GDA: variants seen among roughly 807,000 people sequenced by gnomAD.
The protein encoded by GDA is guanine deaminase, also known as cytoplasmic PSD-95 interactor.
A neutral mutation model predicts 59.6 loss-of-function variants in GDA; 18 were observed. That is an observed-to-expected ratio of 0.30 (90% CI 0.21 to 0.45). The LOEUF (loss-of-function observed/expected upper bound fraction) is 0.45. Among genes scored for constraint, GDA ranks in the 20% least tolerant of loss-of-function variants. The pLI, the probability that GDA is intolerant of heterozygous loss-of-function variation, is 1.00. For synonymous variants in GDA, 201 were observed against 201.1 expected, an observed-to-expected ratio of 1.00 and a Z score of 0.00; for missense variants, 427 against 552.3, an observed-to-expected ratio of 0.77 and a Z score of 2.27.
chr9:72,221,092 A>G (rs1587702932), intron 6 of GDA, among the ~76,000 whole-genome samples: 1 of 151,568 alleles, frequency 6.6e-6, no homozygotes. Flanking sequence ...TATCCTCACT[A>G]CCCCTCTATG....
chr9:72,184,294 ATG>A (rs1472604615), intron 1 of GDA, among the ~76,000 whole-genome samples: 2 of 152,196 alleles, frequency 1.3e-5, no homozygotes, highest in Non-Finnish European at 2.9e-5. Context: ...TTGTATAATG[ATG>A]TATTGACCAT....
chr9:72,160,090 G>C (rs578186726), intron 1 of GDA, among the ~76,000 whole-genome samples: 1 of 152,134 alleles, frequency 6.6e-6, no homozygotes, highest in South Asian at 2.1e-4. Flanking sequence ...ATGAGGTCAG[G>C]AGATCGAGAC....
intron 10 of GDA, among the ~76,000 whole-genome samples, chr9:72,240,360 G>A (rs1484972351): frequency 6.6e-6 from 1 of 152,138 alleles, no homozygotes; most frequent in Non-Finnish European, 1.5e-5. Context: ...AGAACCATGA[G>A]CTTATTTTAA....
chr9:72,148,309 ATGTGTGTGTGTGTGTGTGTG>A (rs58161772), upstream of GDA, among the ~76,000 whole-genome samples: 315 of 145,952 alleles, frequency 2.2e-3, 1 homozygote, highest in Admixed American at 8.2e-3. Flanking sequence ...TGGTGTGTGT[ATGTGTGTGTGTGTGTGTGTG>A]TGTGTGTGTG....
chr9:72,247,571 AAC>A, intron 13 of GDA, 138 bp downstream of exon 13: 1 of 626,426 alleles, frequency 1.6e-6, no homozygotes, highest in Non-Finnish European at 2.8e-6. Context: ...TTATTTTTTT[AAC>A]AGTCTGAAGC....
chr9:72,190,479 A>C (rs910044332), intron 1 of GDA, among the ~76,000 whole-genome samples: 2 of 152,232 alleles, frequency 1.3e-5, no homozygotes, highest in African/African-American at 4.8e-5. Flanking sequence ...TATAATACAT[A>C]TAATATAGAA....
At chr9:72,142,074 G>A (rs1437783907) in intron 1 of GDA, among the ~76,000 whole-genome samples, 1 of 152,144 alleles carries the variant, frequency 6.6e-6, no homozygotes, top group African/African-American at 2.4e-5. Context: ...GAGATAGGTT[G>A]CATGGGCTAA....
chr9:72,240,310 A>T (rs1213343594), intron 10 of GDA, among the ~76,000 whole-genome samples: 3 of 152,218 alleles, frequency 2.0e-5, no homozygotes, highest in Non-Finnish European at 2.9e-5. Context: ...CAAAGTTCTC[A>T]TCTGGATTAG....
chr9:72,219,388 G>A (rs2131543401), intron 5 of GDA, 91 bp from the exon 6 acceptor site: 2 of 929,612 alleles, frequency 2.2e-6, no homozygotes. Context: ...GGGCGACAGA[G>A]CCAGACTCTG....
intron 1 of GDA, among the ~76,000 whole-genome samples, chr9:72,133,305 A>ATAAT (rs1293322271): frequency 1.8e-3 from 232 of 131,466 alleles, no homozygotes; most frequent in East Asian, 9.4e-3. Flanking sequence ...AAAAAAAAAA[A>ATAAT]AAAAATAATA....
At chr9:72,258,840 G>A (rs1055112253), downstream of GDA, among the ~76,000 whole-genome samples, 1 of 152,140 alleles carries the variant, frequency 6.6e-6, no homozygotes, top group Non-Finnish European at 1.5e-5. Context: ...TTCTGCTGCA[G>A]TGTGCCCCAC....
Position 72,252,170 on chromosome 9 carries a change from G to C in GDA, c.*3828G>C, listed in dbSNP as rs577257640. The stretch of plus-strand genomic sequence containing the variant: ...ATGATTCGCTTACTGTTATTGTGCT[G>C]AGTGAGCTCCTGTGTGCTTCAGACA... On this transcript the variant is annotated 3_prime_UTR_variant, in exon 14 of 14. Transcript: ENST00000358399. 6.6e-6 allele frequency: 1 copy of C among 152,566 alleles called. No homozygotes were observed. Among genetic ancestry groups the C allele is most frequent in the African/African-American group, 2.4e-5 (1 of 41,448 alleles). 9.5% of individuals were successfully genotyped at this position (152,566 alleles called of 1,614,324 possible). A position where few individuals can be genotyped will look rare whatever the true frequency, so the allele number is the denominator to read the frequency against.
intron 10 of GDA, among the ~76,000 whole-genome samples, chr9:72,240,916 T>A (rs558631734): frequency 3.0e-4 from 46 of 152,296 alleles, no homozygotes; most frequent in African/African-American, 1.1e-3. Context: ...GCTAGAAAAT[T>A]TGTGATAATT....
At chr9:72,215,513 C>G (rs1835995430) in intron 5 of GDA, among the ~76,000 whole-genome samples, 1 of 152,162 alleles carries the variant, frequency 6.6e-6, no homozygotes, top group Non-Finnish European at 1.5e-5. Flanking sequence ...AGAATATCCC[C>G]TCTCCACAAA....
intron 1 of GDA, among the ~76,000 whole-genome samples, chr9:72,191,008 G>A (rs1296303493): frequency 1.3e-5 from 2 of 151,916 alleles, no homozygotes; most frequent in Admixed American, 6.6e-5. Flanking sequence ...AACATAAATC[G>A]AGTAGATGCG....
intron 10 of GDA, among the ~76,000 whole-genome samples, chr9:72,233,523 G>A (rs996592921): frequency 7.2e-5 from 11 of 152,140 alleles, no homozygotes; most frequent in Non-Finnish European, 1.3e-4. Context: ...GAGAGTGGAT[G>A]GTACAACTAC....
rs530251871 is a variant in GDA at position 72,209,199 on chromosome 9, C to A, written c.385-1488C>A. Among the ~76,000 whole-genome samples, 91 of 151,808 alleles carry A rather than the reference C, an allele frequency of 6.0e-4. 1 individual carries two copies. The Middle Eastern group carries it at 0.01, about 17-fold the overall frequency. ...GTTCTCTTTTTATTCCCTGTGCTGA[C>A]AATTCTATGAGGATTTTAATTTTGG... On this transcript the variant is annotated intron_variant, in intron 3 of 13. Transcript: ENST00000358399.
chr9:72,255,711 A>G (rs754887801), downstream of GDA, among the ~76,000 whole-genome samples: 31 of 152,336 alleles, frequency 2.0e-4, no homozygotes, highest in South Asian at 6.2e-4. Context: ...ATGCAATGGC[A>G]TGCTATCCAT....
At chr9:72,163,526 T>C (rs945558068) in intron 1 of GDA, among the ~76,000 whole-genome samples, 4 of 151,536 alleles carry the variant, frequency 2.6e-5, no homozygotes, top group African/African-American at 9.7e-5. Flanking sequence ...TGAGTCTTGC[T>C]CTGTTGCTCA....
Sources: gnomAD v4.1 joint callset for allele counts (sites outside exome capture counted in the v4.1 genomes callset) on GRCh38, gnomAD v4.1.1 for gene constraint, MANE v1.5 for transcripts, NCBI Gene and HGNC (gene_info 2026-07-23, HGNC 2026-07-21) for gene names.